Variants in NUCB2 observed in about 807,000 individuals in gnomAD.
NUCB2 encodes the protein nucleobindin 2, also known as nucleobindin-2.
NUCB2 carries 48 observed loss-of-function variants against 57.9 expected under a neutral mutation model. That is an observed-to-expected ratio of 0.83 (90% confidence interval 0.66 to 1.05). The LOEUF (loss-of-function observed/expected upper bound fraction) is 1.05, where lower values mean the gene tolerates loss of function less well. NUCB2 is among the 50% of genes least tolerant of loss of function. The probability of loss-of-function intolerance (pLI) is 0.00; values close to 1 mark genes in which losing one functional copy is unlikely to be tolerated. For synonymous variants in NUCB2, 139 were observed against 152.1 expected, an observed-to-expected ratio of 0.91 and a Z score of 0.64; for missense variants, 442 against 476.2, an observed-to-expected ratio of 0.93 and a Z score of 0.67.
chr11:17,319,778 T>TTA (rs1264513141), intron 11 of NUCB2, among the ~76,000 whole-genome samples: 3 of 152,008 alleles, frequency 2.0e-5, no homozygotes, highest in Non-Finnish European at 4.4e-5. Flanking sequence ...ATTATATAGT[T>TTA]TATATATATA....
At chr11:17,331,088 AT>A (rs1401854875) in intron 13 of NUCB2, 105 bp downstream of exon 13, 2 of 874,574 alleles carry the variant, frequency 2.3e-6, no homozygotes, top group Non-Finnish European at 3.5e-6. Context: ...ATGTTATGTT[AT>A]TTTTTGTGTA....
chr11:17,286,442 A>G (rs573978406), intron 2 of NUCB2, among the ~76,000 whole-genome samples: 13 of 152,364 alleles, frequency 8.5e-5, no homozygotes, highest in African/African-American at 3.1e-4. Context: ...GAGAAGCTTA[A>G]GAACTCTGCT....
intron 2 of NUCB2, among the ~76,000 whole-genome samples, chr11:17,285,325 A>G (rs963329880): frequency 5.3e-5 from 8 of 152,206 alleles, no homozygotes; most frequent in Admixed American, 2.0e-4. Context: ...CTATAATCCC[A>G]GCACTTTGGG....
downstream of NUCB2, among the ~76,000 whole-genome samples, chr11:17,335,715 T>G (rs1951749740): frequency 6.6e-6 from 1 of 152,182 alleles, no homozygotes; most frequent in African/African-American, 2.4e-5. Flanking sequence ...TTGGTCAGGC[T>G]GGCCTTGAAC....
At chr11:17,345,848 T>C (rs191392843) in intron 2 of NUCB2, among the ~76,000 whole-genome samples, 6 of 152,302 alleles carry the variant, frequency 3.9e-5, no homozygotes, top group Non-Finnish European at 7.3e-5. Flanking sequence ...TTTAAAACTA[T>C]AAATAAATAA....
chr11:17,309,494 A>T, intron 5 of NUCB2, 78 bp from the exon 6 acceptor site: 1 of 831,170 alleles, frequency 1.2e-6, no homozygotes, highest in Non-Finnish European at 1.9e-6. Flanking sequence ...ATAAATATGA[A>T]ATCTTTTTCT....
chr11:17,282,185 A>AATCTAT (rs1308683516), intron 1 of NUCB2, among the ~76,000 whole-genome samples: 11 of 122,308 alleles, frequency 9.0e-5, no homozygotes, highest in Non-Finnish European at 1.3e-4. Context: ...GGGCATAATA[A>AATCTAT]ATCTATATCT....
intron 5 of NUCB2, among the ~76,000 whole-genome samples, chr11:17,306,560 A>G (rs1362756991): frequency 1.3e-5 from 2 of 152,184 alleles, no homozygotes; most frequent in Admixed American, 6.5e-5. Flanking sequence ...GACAACTTCC[A>G]TCCCCTCAGT....
intron 11 of NUCB2, among the ~76,000 whole-genome samples, chr11:17,322,207 A>G (rs1259850361): frequency 2.0e-5 from 3 of 152,108 alleles, no homozygotes; most frequent in Admixed American, 1.3e-4. Flanking sequence ...GTTTTCTTGT[A>G]GTAGTTTGAT....
chr11:17,315,860 G>A (rs190681471), intron 11 of NUCB2, among the ~76,000 whole-genome samples: 170 of 151,658 alleles, frequency 1.1e-3, no homozygotes, highest in African/African-American at 3.9e-3. Flanking sequence ...TATGCAGTTT[G>A]TATATATAGT....
chr11:17,331,261 A>G, intron 13 of NUCB2, 151 bp from the exon 14 acceptor site: 1 of 524,396 alleles, frequency 1.9e-6, no homozygotes, highest in South Asian at 3.6e-5. Context: ...CTTTCTAATT[A>G]TATTAATCTT....
chr11:17,317,189 A>G (rs1386963760), intron 11 of NUCB2, among the ~76,000 whole-genome samples: 1 of 152,126 alleles, frequency 6.6e-6, no homozygotes, highest in African/African-American at 2.4e-5. Context: ...AACCAGGTTT[A>G]ACTACATTTG....
At chr11:17,313,833 C>T (rs1948860584) in intron 10 of NUCB2, among the ~76,000 whole-genome samples, 1 of 152,114 alleles carries the variant, frequency 6.6e-6, no homozygotes, top group Non-Finnish European at 1.5e-5. Flanking sequence ...TTGCCCTGGG[C>T]CCATCCCTTG....
At chr11:17,283,192 G>A (rs529125771) in intron 2 of NUCB2, among the ~76,000 whole-genome samples, 5 of 152,244 alleles carry the variant, frequency 3.3e-5, no homozygotes, top group African/African-American at 1.2e-4. Context: ...TTGTAGTACT[G>A]GTTCTTGTAT....
In NUCB2 at chr11:17,290,759, C is replaced by T. The variant is rs187014439; in HGVS notation, c.1-4565C>T. ...GATTGTAGAACAAGCAAACAAAAAT[C>T]ATTGAGAACATAGAAAATGGGATAA... On this transcript the variant is annotated intron_variant, in intron 2 of 13. Transcript: ENST00000529010. Among the ~76,000 whole-genome samples, 161 of 152,054 alleles carry T rather than the reference C, an allele frequency of 1.1e-3. 2 individuals carry two copies. Among genetic ancestry groups the T allele is most frequent in the African/African-American group, 3.4e-3 (142 of 41,490 alleles).
chr11:17,298,763 A>G (rs1423391100), intron 4 of NUCB2, among the ~76,000 whole-genome samples: 1 of 151,702 alleles, frequency 6.6e-6, no homozygotes, highest in East Asian at 1.9e-4. Context: ...CAGTGATGCA[A>G]TCTTGGCTCA....
chr11:17,290,902 TA>T (rs1012428165), intron 2 of NUCB2, among the ~76,000 whole-genome samples: 17 of 152,154 alleles, frequency 1.1e-4, no homozygotes, highest in African/African-American at 3.9e-4. Context: ...TTACTCCTTT[TA>T]AAAAAATTGA....
rs192633311 is a variant in NUCB2, at chr11:17,301,632, A to T, written c.253-112A>T. 7 of 642,210 alleles carry T rather than the reference A, an allele frequency of 1.1e-5. No individual in the cohort carries two copies. The East Asian group carries it at 2.1e-4, about 19-fold the overall frequency. 39.8% of individuals were successfully genotyped at this position (642,210 alleles called of 1,614,324 possible). On this transcript the variant is annotated intron_variant, in intron 4 of 13. Transcript: ENST00000529010. ...CTTTTTATAATATTAAATTTATCTAAATTAGTCAAAAGTATTTATCACTAA... is the reference window on the plus strand; with the variant it reads ...CTTTTTATAATATTAAATTTATCTATATTAGTCAAAAGTATTTATCACTAA...
At chr11:17,308,659 T>C (rs900747559) in intron 5 of NUCB2, among the ~76,000 whole-genome samples, 1 of 152,242 alleles carries the variant, frequency 6.6e-6, no homozygotes, top group African/African-American at 2.4e-5. Context: ...CCATTACATG[T>C]GTCCACTATG....
Sources: gnomAD v4.1 joint callset for allele counts (sites outside exome capture counted in the v4.1 genomes callset) on GRCh38, gnomAD v4.1.1 for gene constraint, MANE v1.5 for transcripts, NCBI Gene and HGNC (gene_info 2026-07-23, HGNC 2026-07-21) for gene names.